LARS2: variants seen among roughly 807,000 people sequenced by gnomAD.
LARS2 encodes the protein leucyl-tRNA synthetase 2, mitochondrial.
A neutral mutation model predicts 116.6 loss-of-function variants in LARS2; 81 were observed. The observed-to-expected ratio is 0.69, with a 90% CI of 0.58 to 0.84. The LOEUF is 0.84. LARS2 is among the 40% of genes least tolerant of loss of function. The pLI is 0.00. For synonymous variants in LARS2, 396 were observed against 407.2 expected (o/e 0.97, Z 0.33); for missense variants, 968 against 1,114.5 (o/e 0.87, Z 1.87).
chr3:45,468,590 G>C (rs139021888), intron 8 of LARS2, among the ~76,000 whole-genome samples: 85 of 152,268 alleles, frequency 5.6e-4, no homozygotes, highest in Non-Finnish European at 1.1e-3. Context: ...GGCCTTCATC[G>C]TCTGCATTCT....
At chr3:45,531,432 C>G (rs1700612493) in intron 20 of LARS2, among the ~76,000 whole-genome samples, 3 of 152,010 alleles carry the variant, frequency 2.0e-5, no homozygotes, top group Admixed American at 2.0e-4. Context: ...GGCTGGAGTA[C>G]AGAGGCACAA....
intron 4 of LARS2, 86 bp downstream of exon 4, chr3:45,400,459 A>G: frequency 7.4e-7 from 1 of 1,348,804 alleles, no homozygotes; most frequent in Non-Finnish European, 9.9e-7. Context: ...CAAATGAAGA[A>G]AACCAACTTT....
intron 8 of LARS2, among the ~76,000 whole-genome samples, chr3:45,461,055 C>T (rs1170820185): frequency 3.9e-5 from 6 of 151,972 alleles, no homozygotes; most frequent in African/African-American, 1.5e-4. Context: ...GAAAAAAAGG[C>T]ATTCCAATAG....
At chr3:45,471,440 T>C (rs1252835290) in intron 8 of LARS2, among the ~76,000 whole-genome samples, 1 of 152,246 alleles carries the variant, frequency 6.6e-6, no homozygotes, top group East Asian at 1.9e-4. Flanking sequence ...TTCATCCTAT[T>C]TGAATCTGTC....
intron 6 of LARS2, among the ~76,000 whole-genome samples, chr3:45,430,611 G>A (rs1166435495): frequency 3.8e-5 from 4 of 105,788 alleles, no homozygotes; most frequent in Non-Finnish European, 5.4e-5. Context: ...TTGAGTCAGA[G>A]TCTCGCCCTG....
chr3:45,392,617 G>A (rs1014663907), intron 2 of LARS2, among the ~76,000 whole-genome samples: 3 of 151,474 alleles, frequency 2.0e-5, no homozygotes, highest in Non-Finnish European at 4.4e-5. Context: ...TTTTTTTTAA[G>A]TCTGCACTTT....
At chr3:45,454,771 T>A (rs1266942697) in intron 7 of LARS2, among the ~76,000 whole-genome samples, 1 of 152,136 alleles carries the variant, frequency 6.6e-6, no homozygotes, top group Non-Finnish European at 1.5e-5. Context: ...AAGTAAATGT[T>A]CAAAATATGG....
At chr3:45,398,019 T>C (rs1349395572) in intron 3 of LARS2, among the ~76,000 whole-genome samples, 2 of 152,246 alleles carry the variant, frequency 1.3e-5, no homozygotes, top group Non-Finnish European at 2.9e-5. Context: ...AATGTGTTGC[T>C]TTCCATCCTG....
chr3:45,502,479 G>A (rs1020347218), intron 15 of LARS2, among the ~76,000 whole-genome samples: 2 of 152,020 alleles, frequency 1.3e-5, no homozygotes, highest in African/African-American at 4.8e-5. Context: ...CTGATCTGTA[G>A]TGCCCTCTCC....
intron 13 of LARS2, among the ~76,000 whole-genome samples, chr3:45,492,538 C>T (rs1259207778): frequency 6.6e-6 from 1 of 152,158 alleles, no homozygotes; most frequent in Non-Finnish European, 1.5e-5. Context: ...ACTAGGTTGA[C>T]AATTAGGTAA....
chr3:45,536,779 C>T (rs1347462193), intron 20 of LARS2, among the ~76,000 whole-genome samples: 2 of 152,216 alleles, frequency 1.3e-5, no homozygotes, highest in East Asian at 3.9e-4. Flanking sequence ...TAAGCTGTCA[C>T]TCAGTTGCTT....
At position 45,536,444 on chromosome 3, in the gene LARS2, C is replaced by T. The variant is rs557191233; in HGVS notation, c.2405-5385C>T. ...TTTAACACCTACACATACACACACA[C>T]CTAACCAGATCCAACCATTCATCTT... On this transcript the variant is annotated intron_variant, in intron 20 of 21. Transcript: ENST00000645846. Among the ~76,000 whole-genome samples, 3 of 152,328 alleles carry T rather than the reference C, an allele frequency of 2.0e-5. No homozygotes were observed. In the South Asian group the frequency reaches 6.2e-4, roughly 32 times the overall value.
At chr3:45,409,458 T>TA (rs1202689408) in intron 4 of LARS2, among the ~76,000 whole-genome samples, 1 of 152,178 alleles carries the variant, frequency 6.6e-6, no homozygotes, top group Non-Finnish European at 1.5e-5. Flanking sequence ...ATGAGACATG[T>TA]ACAAGGCTGG....
At chr3:45,410,252 C>T (rs1698308606) in intron 4 of LARS2, among the ~76,000 whole-genome samples, 3 of 151,658 alleles carry the variant, frequency 2.0e-5, no homozygotes, top group Admixed American at 2.0e-4. Flanking sequence ...CAGGTGTTGT[C>T]CTTGAAGTAT....
At chr3:45,425,025 A>C (rs933940020) in intron 6 of LARS2, among the ~76,000 whole-genome samples, 1 of 152,010 alleles carries the variant, frequency 6.6e-6, no homozygotes, top group Admixed American at 6.6e-5. Context: ...TTGTATTTTT[A>C]GATTTATTAT....
rs1559473702 is a variant in LARS2 at position 45,451,857 on chromosome 3, T to G, written c.606+4877T>G. ...ACATAGTATATTTTTGCATTTTTTG[T>G]TTGTCCTTTTCAATTACTATCATCA... On this transcript the variant is annotated intron_variant, in intron 7 of 21. Coordinates refer to ENST00000645846, the MANE Select transcript of LARS2 (RefSeq NM_015340.4). Among the ~76,000 whole-genome samples, 5 of 152,270 alleles carry G rather than the reference T, an allele frequency of 3.3e-5. No individual in the cohort carries two copies. In the South Asian group the frequency reaches 8.3e-4, roughly 25 times the overall value.
chr3:45,504,284 G>C (rs910634682), intron 15 of LARS2, among the ~76,000 whole-genome samples: 4 of 151,832 alleles, frequency 2.6e-5, no homozygotes, highest in African/African-American at 9.7e-5. Flanking sequence ...TTAAAATTTT[G>C]ATAGATAGAA....
At chr3:45,440,904 T>G (rs1347698476) in intron 6 of LARS2, among the ~76,000 whole-genome samples, 1 of 152,150 alleles carries the variant, frequency 6.6e-6, no homozygotes, top group Non-Finnish European at 1.5e-5. Flanking sequence ...GAACACTATT[T>G]TTTACCCCAG....
chr3:45,437,162 C>A (rs1267908542), intron 6 of LARS2, among the ~76,000 whole-genome samples: 1 of 152,188 alleles, frequency 6.6e-6, no homozygotes, highest in African/African-American at 2.4e-5. Context: ...AGAACATGAA[C>A]ATGAACCTGT....
Sources: gnomAD v4.1 joint callset for allele counts (sites outside exome capture counted in the v4.1 genomes callset) on GRCh38, gnomAD v4.1.1 for gene constraint, MANE v1.5 for transcripts, NCBI Gene and HGNC (gene_info 2026-07-23, HGNC 2026-07-21) for gene names.